Variants in DMD observed in about 807,000 individuals in gnomAD.
DMD encodes the protein mutant dystrophin.
In DMD, 63 loss-of-function variants were observed where a neutral mutation model predicts 330.1. The ratio of observed to expected loss-of-function variants is 0.19; its 90% CI spans 0.16 to 0.24. The LOEUF (loss-of-function observed/expected upper bound fraction) is 0.24. Among genes scored for constraint, DMD ranks in the 10% least tolerant of loss-of-function variants. The probability of loss-of-function intolerance (pLI) is 1.00; values close to 1 mark genes in which losing one functional copy is unlikely to be tolerated. For missense variants in DMD, 3,344 were observed against 2,684.1 expected (o/e 1.25, Z -5.43); for synonymous variants, 1,223 against 959.8 (o/e 1.27, Z -5.07).
chrX:31,217,430 TG>T (rs983419620), intron 64 of DMD, among the ~76,000 whole-genome samples: 16 of 110,638 alleles, frequency 1.4e-4, no homozygotes, highest in South Asian at 3.8e-4. Flanking sequence ...GATAGGGAAG[TG>T]AAAAAAAAAT....
intron 1 of DMD, among the ~76,000 whole-genome samples, chrX:33,055,130 C>G (rs1284872632): frequency 9.0e-6 from 1 of 111,357 alleles, no homozygotes; most frequent in African/African-American, 3.3e-5. Context: ...GAGAGCAACC[C>G]TCCAAGAAAA....
At chrX:31,428,843 C>T (rs955358175) in intron 60 of DMD, among the ~76,000 whole-genome samples, 1 of 112,428 alleles carries the variant, frequency 8.9e-6, no homozygotes, top group African/African-American at 3.2e-5. Context: ...GTATATTAGG[C>T]CGGGAGTGGT....
chrX:31,803,624 C>A (rs2092164929), intron 50 of DMD, among the ~76,000 whole-genome samples: 1 of 96,078 alleles, frequency 1.0e-5, no homozygotes, highest in African/African-American at 3.8e-5. Flanking sequence ...CCCTCCCTCC[C>A]TCCCTCCCTC....
intron 55 of DMD, among the ~76,000 whole-genome samples, chrX:31,598,313 G>A (rs185014445): frequency 8.1e-5 from 9 of 110,653 alleles, no homozygotes; most frequent in Non-Finnish European, 1.5e-4. Flanking sequence ...TGGTAGAGAC[G>A]GAGTCTTGCT....
Position 32,065,583 on chromosome X carries a change from AC to A in DMD, c.6439-97070del, listed in dbSNP as rs2096254590. On this transcript the variant is annotated intron_variant, in intron 44 of 78. Coordinates refer to ENST00000357033, the MANE Select transcript of DMD (RefSeq NM_004006.3). ...AGTGACATTTAACTTAATAACACAG[AC>A]ATTGTCTTTACTTGACAGAAAACAA... 2.7e-5 allele frequency among the ~76,000 whole-genome samples: 3 copies of A among 112,138 alleles called. No homozygotes were observed. In the South Asian group the frequency reaches 1.1e-3, roughly 41 times the overall value.
At chrX:32,068,139 C>T (rs7882463) in intron 44 of DMD, among the ~76,000 whole-genome samples, 35,819 of 110,178 alleles carry the variant, frequency 0.33, 4,575 homozygotes, top group East Asian at 0.5. Context: ...TTATTGGCTG[C>T]GTGTATATCT....
At chrX:31,461,074 C>T (rs1206495957) in intron 59 of DMD, among the ~76,000 whole-genome samples, 1 of 111,349 alleles carries the variant, frequency 9.0e-6, no homozygotes, top group Non-Finnish European at 1.9e-5. Context: ...GGTTCCTAAG[C>T]GAAACAATGC....
intron 29 of DMD, among the ~76,000 whole-genome samples, chrX:32,427,218 A>C (rs2098216712): frequency 8.9e-6 from 1 of 111,830 alleles, no homozygotes; most frequent in Admixed American, 9.5e-5. Flanking sequence ...GAGAAATTTC[A>C]GGAATGAGAT....
At chrX:32,428,944 T>C (rs940606590) in intron 29 of DMD, among the ~76,000 whole-genome samples, 1 of 111,686 alleles carries the variant, frequency 9.0e-6, no homozygotes, top group Non-Finnish European at 1.9e-5. Flanking sequence ...TGTTATATTT[T>C]ACTCCATTTT....
chrX:32,313,079 C>A (rs1338010196), intron 41 of DMD, among the ~76,000 whole-genome samples: 1 of 108,052 alleles, frequency 9.3e-6, no homozygotes, highest in Non-Finnish European at 1.9e-5. Flanking sequence ...TCTTCCCTAA[C>A]TCTTTTTATG....
rs575013146 is a variant in DMD, at chrX:32,410,946, G to A, written c.4233+806C>T. ...ATTTTCGTTTGAATGAAGCATGGGA[G>A]TGAGTGCATGTAGCTATATTGAGCA... On this transcript the variant is annotated intron_variant, in intron 30 of 78. Transcript: ENST00000357033. Among the ~76,000 whole-genome samples, 6 of 111,453 alleles carry A rather than the reference G, an allele frequency of 5.4e-5. No homozygotes were observed. The South Asian group carries it at 2.3e-3, about 42-fold the overall frequency.
At chrX:31,714,330 T>C (rs1185228743) in intron 52 of DMD, among the ~76,000 whole-genome samples, 1 of 112,060 alleles carries the variant, frequency 8.9e-6, no homozygotes, top group East Asian at 2.8e-4. Context: ...GGACATAATT[T>C]AATCTTCTTG....
intron 2 of DMD, among the ~76,000 whole-genome samples, chrX:32,991,705 A>G (rs1158956776): frequency 8.9e-6 from 1 of 112,047 alleles, no homozygotes; most frequent in East Asian, 2.8e-4. Context: ...AATGGATGCC[A>G]TCTTGTTACT....
chrX:33,113,888 C>T (rs193246467), intron 1 of DMD, among the ~76,000 whole-genome samples: 125 of 110,506 alleles, frequency 1.1e-3, no homozygotes, highest in African/African-American at 3.9e-3. Flanking sequence ...ACTGCAGACA[C>T]TTCCACGGGT....
intron 1 of DMD, among the ~76,000 whole-genome samples, chrX:33,100,599 G>A (rs777974768): frequency 7.2e-5 from 8 of 111,237 alleles, no homozygotes; most frequent in Admixed American, 4.8e-4. Context: ...GCTGAGGCAG[G>A]AGAATCGCTT....
chrX:32,218,543 T>A (rs1028106930), intron 43 of DMD, among the ~76,000 whole-genome samples: 2 of 111,960 alleles, frequency 1.8e-5, no homozygotes, highest in African/African-American at 6.5e-5. Flanking sequence ...TCTACCTTCA[T>A]TCAGGAATTT....
At chrX:32,374,610 T>C (rs2097893921) in intron 34 of DMD, among the ~76,000 whole-genome samples, 1 of 111,870 alleles carries the variant, frequency 8.9e-6, no homozygotes, top group Admixed American at 9.5e-5. Context: ...AATCAGTTGG[T>C]TGTAGGTGTG....
chrX:32,977,145 C>G (rs886781413), intron 2 of DMD, among the ~76,000 whole-genome samples: 3 of 109,334 alleles, frequency 2.7e-5, no homozygotes, highest in African/African-American at 1.0e-4. Flanking sequence ...AATAAAAATA[C>G]AAAAATTAAC....
At chrX:32,635,179 C>T (rs768926640) in intron 11 of DMD, among the ~76,000 whole-genome samples, 1 of 111,575 alleles carries the variant, frequency 9.0e-6, no homozygotes. Context: ...TCTGCAAGCA[C>T]ATAGACTCTC....
Sources: gnomAD v4.1 joint callset for allele counts (sites outside exome capture counted in the v4.1 genomes callset) on GRCh38, gnomAD v4.1.1 for gene constraint, MANE v1.5 for transcripts, NCBI Gene and HGNC (gene_info 2026-07-23, HGNC 2026-07-21) for gene names.